Variants in MECOM observed in about 807,000 individuals in gnomAD.
MECOM encodes MDS1 and EVI1 complex locus, also known as histone-lysine N-methyltransferase MECOM.
A neutral mutation model predicts 116.3 loss-of-function variants in MECOM; 13 were observed. The observed-to-expected ratio is 0.11, with a 90% confidence interval of 0.07 to 0.18. MECOM has a LOEUF of 0.18. Among genes scored for constraint, MECOM ranks in the 10% least tolerant of loss-of-function variants. The probability of loss-of-function intolerance (pLI) is 1.00; values close to 1 mark genes in which losing one functional copy is unlikely to be tolerated. For missense variants in MECOM, 1,299 were observed against 1,509.0 expected, an observed-to-expected ratio of 0.86 and a Z score of 2.31; for synonymous variants, 528 against 535.2, an observed-to-expected ratio of 0.99 and a Z score of 0.19.
rs150978486 is a variant in MECOM at position 169,374,614 on chromosome 3, G to A, written c.375+6573C>T. 1.8e-4 allele frequency among the ~76,000 whole-genome samples: 28 copies of A among 152,038 alleles called. 1 individual carries two copies. Among genetic ancestry groups the A allele is most frequent in the African/African-American group, 5.8e-4 (24 of 41,514 alleles). On this transcript the variant is annotated intron_variant, in intron 2 of 16. Coordinates refer to ENST00000651503, the MANE Select transcript of MECOM (RefSeq NM_004991.4). Reference sequence around the variant, plus strand: ...AGAAGCCTGCTTTCTACTGCTCTGCGTGCAATTCTCACGTTGTCTCATAAT... The same window carrying A: ...AGAAGCCTGCTTTCTACTGCTCTGCATGCAATTCTCACGTTGTCTCATAAT...
intron 1 of MECOM, among the ~76,000 whole-genome samples, chr3:169,514,045 A>C (rs1050147355): frequency 6.6e-6 from 1 of 152,234 alleles, no homozygotes; most frequent in Non-Finnish European, 1.5e-5. Context: ...GGGTGTGCAC[A>C]TACTTTACTA....
At chr3:169,186,184 G>T (rs1351857088) in intron 2 of MECOM, among the ~76,000 whole-genome samples, 2 of 152,014 alleles carry the variant, frequency 1.3e-5, no homozygotes, top group African/African-American at 2.4e-5. Flanking sequence ...ATCTGATGTA[G>T]TTATAGCTTA....
chr3:169,352,804 T>G (rs16853547), intron 2 of MECOM, among the ~76,000 whole-genome samples: 6,570 of 152,002 alleles, frequency 0.043, 362 homozygotes, highest in African/African-American at 0.13. Flanking sequence ...ACATTTTTCT[T>G]GCAACGAAGC....
At chr3:169,216,935 C>A (rs1751494237) in intron 2 of MECOM, among the ~76,000 whole-genome samples, 1 of 150,644 alleles carries the variant, frequency 6.6e-6, no homozygotes, top group Non-Finnish European at 1.5e-5. Flanking sequence ...AAATATATTA[C>A]CCTATAATTT....
intron 1 of MECOM, among the ~76,000 whole-genome samples, chr3:169,601,461 C>T (rs878895510): frequency 6.6e-6 from 1 of 152,192 alleles, no homozygotes; most frequent in African/African-American, 2.4e-5. Context: ...CTGAGTGTAA[C>T]TCACCAGGCC....
At position 169,647,460 on chromosome 3, in the gene MECOM, G is replaced by A. The variant is rs575684409; in HGVS notation, c.37+15876C>T. ...AGCTGGCCAATGCCCACACAGCTAGGTAGTGATAGAACCAAGCCATCTAAT... is the reference window on the plus strand; with the variant it reads ...AGCTGGCCAATGCCCACACAGCTAGATAGTGATAGAACCAAGCCATCTAAT... On this transcript the variant is annotated intron_variant, in intron 1 of 16. Coordinates refer to ENST00000651503, the MANE Select transcript of MECOM (RefSeq NM_004991.4). Among the ~76,000 whole-genome samples, 53 of 152,282 alleles carry A rather than the reference G, an allele frequency of 3.5e-4. No homozygotes were observed. In the South Asian group the frequency reaches 0.01, roughly 29 times the overall value.
intron 2 of MECOM, among the ~76,000 whole-genome samples, chr3:169,263,115 A>G (rs1264971710): frequency 8.9e-4 from 57 of 64,298 alleles, no homozygotes; most frequent in Non-Finnish European, 8.7e-4. Context: ...ATATATATAT[A>G]TATATATATA....
At chr3:169,407,717 G>T (rs183766601) in intron 1 of MECOM, among the ~76,000 whole-genome samples, 10 of 152,282 alleles carry the variant, frequency 6.6e-5, no homozygotes, top group African/African-American at 2.4e-4. Flanking sequence ...ATTAGGAGAG[G>T]AAAGAAATAC....
intron 1 of MECOM, among the ~76,000 whole-genome samples, chr3:169,546,135 AGATTCTAT>A (rs1391634663): frequency 6.6e-6 from 1 of 152,178 alleles, no homozygotes; most frequent in Non-Finnish European, 1.5e-5. Context: ...ACCAAAATAT[AGATTCTAT>A]GATCCTTTAT....
chr3:169,502,049 G>C (rs906401725), intron 1 of MECOM, among the ~76,000 whole-genome samples: 1 of 152,088 alleles, frequency 6.6e-6, no homozygotes, highest in South Asian at 2.1e-4. Flanking sequence ...TTCACAAATT[G>C]TGGGAAAAGC....
intron 5 of MECOM, among the ~76,000 whole-genome samples, chr3:169,126,984 G>A (rs996747185): frequency 1.3e-5 from 2 of 152,020 alleles, no homozygotes; most frequent in African/African-American, 4.8e-5. Context: ...CTGATTACAA[G>A]TTTCAAGGAT....
At chr3:169,182,306 T>A (rs1746075664) in intron 2 of MECOM, among the ~76,000 whole-genome samples, 1 of 152,224 alleles carries the variant, frequency 6.6e-6, no homozygotes. Context: ...GTGGTGTTCG[T>A]TATTTCATAC....
chr3:169,608,799 T>C (rs1437769913), intron 1 of MECOM, among the ~76,000 whole-genome samples: 1 of 152,218 alleles, frequency 6.6e-6, no homozygotes, highest in Non-Finnish European at 1.5e-5. Flanking sequence ...AAAAAACATG[T>C]TCTGCTCTGA....
At chr3:169,243,268 G>T (rs1755118145) in intron 2 of MECOM, among the ~76,000 whole-genome samples, 1 of 152,176 alleles carries the variant, frequency 6.6e-6, no homozygotes, top group East Asian at 1.9e-4. Flanking sequence ...TTTGTATGTG[G>T]CTTGCAGTCT....
At chr3:169,205,787 G>T (rs1007198726) in intron 2 of MECOM, among the ~76,000 whole-genome samples, 1 of 152,136 alleles carries the variant, frequency 6.6e-6, no homozygotes, top group African/African-American at 2.4e-5. Context: ...ATGAATTTTA[G>T]AAATCATTTA....
intron 2 of MECOM, among the ~76,000 whole-genome samples, chr3:169,259,802 G>A (rs569834109): frequency 5.3e-5 from 8 of 152,344 alleles, no homozygotes; most frequent in East Asian, 1.9e-4. Context: ...AGCATTCAAC[G>A]AAGAATGTGT....
chr3:169,102,154 A>G lies in MECOM; in HGVS notation c.2677T>C (p.Leu893=). The G allele has an allele frequency of 6.2e-7, 1 of 1,613,952 alleles. No homozygotes were observed. Among genetic ancestry groups the G allele is most frequent in the Non-Finnish European group, 8.5e-7 (1 of 1,179,896 alleles). ...TTGAACATAGAGGGCACTGACTGTAAGAGCTCACTGGCCTCAGGTTTCAGG... is the reference window on the plus strand; with the variant it reads ...TTGAACATAGAGGGCACTGACTGTAGGAGCTCACTGGCCTCAGGTTTCAGG... The part of the protein sequence containing the change: ...SALKPEASEL[L]QSVPSMFNFR... The change falls in exon 11 of 17, where the codon TTA becomes CTA. Residue 893 remains leucine, a synonymous_variant. Coordinates refer to ENST00000651503, the MANE Select transcript of MECOM (RefSeq NM_004991.4).
At chr3:169,381,067 TAA>T in intron 2 of MECOM, 118 bp downstream of exon 2, 1 of 904,966 alleles carries the variant, frequency 1.1e-6, no homozygotes, top group Non-Finnish European at 1.6e-6. Flanking sequence ...AGTTTATTCT[TAA>T]AAACCTGTTG....
intron 1 of MECOM, among the ~76,000 whole-genome samples, chr3:169,382,863 A>AT (rs1327688924): frequency 0.024 from 1,997 of 84,586 alleles, 117 homozygotes; most frequent in African/African-American, 0.084. Context: ...AAAAAAAAAA[A>AT]ATAAAAAAAA....
Sources: gnomAD v4.1 joint callset for allele counts (sites outside exome capture counted in the v4.1 genomes callset) on GRCh38, gnomAD v4.1.1 for gene constraint, MANE v1.5 for transcripts, NCBI Gene and HGNC (gene_info 2026-07-23, HGNC 2026-07-21) for gene names.